Variants in CEP162 observed in about 807,000 individuals in gnomAD.
CEP162 encodes centrosomal protein of 162 kDa.
A neutral mutation model predicts 169.2 loss-of-function variants in CEP162; 141 were observed. The ratio of observed to expected loss-of-function variants is 0.83; its 90% CI spans 0.73 to 0.96. CEP162 has a LOEUF of 0.96. Ranked by LOEUF, CEP162 falls within the 40% of genes least tolerant of loss-of-function variation. The pLI, the probability that CEP162 is intolerant of heterozygous loss-of-function variation, is 0.00. For synonymous variants in CEP162, 540 were observed against 526.4 expected, an observed-to-expected ratio of 1.03 and a Z score of -0.35; for missense variants, 1,600 against 1,587.2, an observed-to-expected ratio of 1.01 and a Z score of -0.14.
intron 3 of CEP162, chr6:84,219,325 T>C (rs1032327659): frequency 2.0e-5 from 8 of 399,532 alleles, no homozygotes; most frequent in Middle Eastern, 3.6e-4. Flanking sequence ...TTGTCAAAGT[T>C]TGCTTCTTGA....
chr6:84,211,857 T>C (rs1225965905), intron 6 of CEP162, among the ~76,000 whole-genome samples: 7 of 124,148 alleles, frequency 5.6e-5, no homozygotes, highest in African/African-American at 9.2e-5. Context: ...AGAATAAATA[T>C]AAGAAAAGCA....
chr6:84,203,033 CAGAT>C (rs1169055710), intron 7 of CEP162, among the ~76,000 whole-genome samples: 6 of 152,052 alleles, frequency 3.9e-5, no homozygotes, highest in Non-Finnish European at 7.4e-5. Flanking sequence ...AGACTGTGCC[CAGAT>C]AGAGACCAAA....
At chr6:84,200,720 G>T in intron 9 of CEP162, 69 bp downstream of exon 9, 3 of 695,508 alleles carry the variant, frequency 4.3e-6, no homozygotes, top group Non-Finnish European at 7.7e-6. Context: ...TATTTCCTTA[G>T]AAATGTAGTC....
chr6:84,169,357 C>G lies in CEP162; in HGVS notation c.2356G>C (p.Asp786His), dbSNP rs1375958859. 4.4e-6 allele frequency: 7 copies of G among 1,580,488 alleles called. No individual in the cohort carries two copies. The East Asian group carries it at 1.4e-4, about 31-fold the overall frequency. ...SEPTRNQNFT[D>H]LLAELRMAQK... is the part of the protein sequence containing the mutation. ...GCCATCCGTAGTTCTGCTAACAGAT[C>G]TGTAAAATTCTGATTTCTTGTGGGC... The change falls in exon 18 of 27, where the codon GAT (aspartate) becomes CAT (histidine). Residue 786 changes from aspartate (D) to histidine (H), a missense_variant. By Grantham distance (81) the Asp-to-His change is moderately conservative (BLOSUM62 -1). Transcript: ENST00000403245.
In CEP162 at chr6:84,201,404, A is replaced by ATG. The variant is rs768517778; in HGVS notation, c.718+331_718+332dup. On this transcript the variant is annotated intron_variant, in intron 8 of 26. Coordinates refer to ENST00000403245, the MANE Select transcript of CEP162 (RefSeq NM_014895.4). ...TATATGTTACAAGCATGTTTTATCT[A>ATG]TGTGTGTGTGTGTGTATGTATATAA... 8.9e-4 allele frequency among the ~76,000 whole-genome samples: 135 copies of ATG among 151,812 alleles called. 1 individual carries two copies. Among genetic ancestry groups the ATG allele is most frequent in the African/African-American group, 1.8e-3 (73 of 41,464 alleles).
chr6:84,126,338 G>C, intron 26 of CEP162, 40 bp downstream of exon 26: 2 of 1,452,060 alleles, frequency 1.4e-6, no homozygotes, highest in Non-Finnish European at 1.8e-6. Context: ...GCACTTAAAA[G>C]TAAAGACCTA....
At chr6:84,129,226 C>T (rs1050711740) in intron 25 of CEP162, among the ~76,000 whole-genome samples, 31 of 152,140 alleles carry the variant, frequency 2.0e-4, no homozygotes, top group Non-Finnish European at 3.5e-4. Flanking sequence ...ATGGCTGGGT[C>T]AAATGGTATT....
chr6:84,184,734 A>C (rs2099536364), intron 13 of CEP162, among the ~76,000 whole-genome samples: 1 of 151,828 alleles, frequency 6.6e-6, no homozygotes, highest in Non-Finnish European at 1.5e-5. Context: ...TGGTACTCTC[A>C]ATCAGATTTC....
intron 18 of CEP162, among the ~76,000 whole-genome samples, chr6:84,168,024 T>C (rs897711572): frequency 1.1e-4 from 17 of 152,264 alleles, no homozygotes; most frequent in East Asian, 7.7e-4. Flanking sequence ...TGGTTATCCA[T>C]TTACAAGATA....
chr6:84,225,516 G>T (rs955823211), intron 2 of CEP162, among the ~76,000 whole-genome samples: 1 of 152,160 alleles, frequency 6.6e-6, no homozygotes, highest in Non-Finnish European at 1.5e-5. Flanking sequence ...TTTATGAGGT[G>T]CATGACTGTA....
chr6:84,194,833 C>A, intron 10 of CEP162, 51 bp downstream of exon 10: 1 of 1,281,210 alleles, frequency 7.8e-7, no homozygotes, highest in Non-Finnish European at 1.1e-6. Context: ...ACACTAAAAA[C>A]TCTTTAGAAA....
intron 25 of CEP162, among the ~76,000 whole-genome samples, chr6:84,137,735 G>T (rs2099514766): frequency 1.3e-5 from 2 of 152,042 alleles, no homozygotes; most frequent in Admixed American, 6.6e-5. Context: ...CAGTCAATTA[G>T]AAGTGGAACA....
rs1276115719 is a variant in CEP162 at position 84,215,809 on chromosome 6, A to G, written c.286T>C (p.Ser96Pro). ...TCTAAGCTATCAGTACTTAAGAGAG[A>G]GGTTCCACTGCTCTTAAGAAATTGA... Reference protein sequence around the residue: ...KIQFLKSSGTSLLSTDSLETN... With the variant: ...KIQFLKSSGTPLLSTDSLETN... Residue 96 changes from serine (S) to proline (P), a missense_variant, in exon 4 of 27, where the codon TCT becomes CCT. By Grantham distance (74) the Ser-to-Pro change is moderately conservative. Coordinates refer to ENST00000403245, the MANE Select transcript of CEP162 (RefSeq NM_014895.4). 1.3e-6 allele frequency: 2 copies of G among 1,591,218 alleles called. No homozygotes were observed. The highest frequency in any genetic ancestry group is 1.7e-6 in the Non-Finnish European group (2 of 1,166,674).
chr6:84,160,941 A>C, intron 20 of CEP162, 25 bp from the exon 21 acceptor site: 4 of 1,440,086 alleles, frequency 2.8e-6, no homozygotes, highest in Non-Finnish European at 2.9e-6. Context: ...ATAACATGTT[A>C]AGAAGCATAT....
chr6:84,192,778 C>CA lies in CEP162; in HGVS notation c.1109+830dup, dbSNP rs1191362461. On this transcript the variant is annotated intron_variant, in intron 11 of 26. Coordinates refer to ENST00000403245, the MANE Select transcript of CEP162 (RefSeq NM_014895.4). ...ATGGATGGCCTGTGTTCCTGGTCTACAACTATATGACCTTGGGCAATGGCT... is the reference window on the plus strand; with the variant it reads ...ATGGATGGCCTGTGTTCCTGGTCTACAAACTATATGACCTTGGGCAATGGCT... Among the ~76,000 whole-genome samples the CA allele has an allele frequency of 2.0e-5, 3 of 152,220 alleles. No homozygotes were observed. In the South Asian group the frequency reaches 6.2e-4, roughly 31 times the overall value.
intron 19 of CEP162, 115 bp downstream of exon 19, chr6:84,163,029 T>A: frequency 1.0e-6 from 1 of 991,298 alleles, no homozygotes; most frequent in Non-Finnish European, 1.5e-6. Flanking sequence ...TTTCTAAAAT[T>A]ACAATATACT....
At position 84,202,518 on chromosome 6, in the gene CEP162, CTTTTT is replaced by C. The variant is rs70987776; in HGVS notation, c.688-756_688-752del. Among the ~76,000 whole-genome samples the C allele has an allele frequency of 7.7e-5, 7 of 90,742 alleles. No homozygotes were observed. In the South Asian group the frequency reaches 2.1e-3, roughly 27 times the overall value. 59.5% of individuals were successfully genotyped at this position (90,742 alleles called of 152,430 possible). A position where few individuals can be genotyped will look rare whatever the true frequency, so the allele number is the denominator to read the frequency against. ...CATTTTTCTTTTCTTTTCTTTCTTT[CTTTTT>C]TTTTTTTTTTTTTTTTTTTTTTGAG... On this transcript the variant is annotated intron_variant, in intron 7 of 26. Coordinates refer to ENST00000403245, the MANE Select transcript of CEP162 (RefSeq NM_014895.4).
At chr6:84,207,876 GA>G (rs1780205021) in intron 6 of CEP162, among the ~76,000 whole-genome samples, 2 of 152,100 alleles carry the variant, frequency 1.3e-5, no homozygotes, top group Admixed American at 1.3e-4. Flanking sequence ...GCTGCCCAAA[GA>G]ATCTTGAATT....
At chr6:84,212,860 A>G in intron 6 of CEP162, 97 bp downstream of exon 6, 1 of 782,396 alleles carries the variant, frequency 1.3e-6, no homozygotes, top group Non-Finnish European at 2.1e-6. Context: ...CTCTGAGACA[A>G]TATGATTTTC....
Sources: gnomAD v4.1 joint callset for allele counts (sites outside exome capture counted in the v4.1 genomes callset) on GRCh38, gnomAD v4.1.1 for gene constraint, MANE v1.5 for transcripts, NCBI Gene and HGNC (gene_info 2026-07-23, HGNC 2026-07-21) for gene names.